The following ACAP2 variants were observed in gnomAD, a reference collection of about 807,000 sequenced individuals.
ACAP2 encodes arf-GAP with coiled-coil, ANK repeat and PH domain-containing protein 2.
Under a neutral mutation model 115.8 loss-of-function variants are expected in ACAP2, and 39 were observed. The observed-to-expected ratio is 0.34, with a 90% CI of 0.26 to 0.44. The LOEUF (loss-of-function observed/expected upper bound fraction) is 0.44, where lower values mean the gene tolerates loss of function less well. ACAP2 is among the 20% of genes least tolerant of loss of function. The probability of loss-of-function intolerance (pLI) is 1.00; values close to 1 mark genes in which losing one functional copy is unlikely to be tolerated. For synonymous variants in ACAP2, 289 were observed against 315.8 expected (o/e 0.92, Z 0.90); for missense variants, 662 against 927.6 (o/e 0.71, Z 3.72).
chr3:195,351,397 G>A (rs10804414), intron 4 of ACAP2, among the ~76,000 whole-genome samples: 68,464 of 150,726 alleles, frequency 0.45, 17,255 homozygotes, highest in Middle Eastern at 0.67. Flanking sequence ...GATTACAGGC[G>A]TGAGTCACCA....
chr3:195,429,130 G>C (rs547707212), intron 1 of ACAP2, among the ~76,000 whole-genome samples: 16 of 152,230 alleles, frequency 1.1e-4, no homozygotes, highest in African/African-American at 3.9e-4. Context: ...GCTCACACTT[G>C]TAATCCCAGC....
intron 9 of ACAP2, among the ~76,000 whole-genome samples, chr3:195,321,449 G>C (rs1729448349): frequency 6.6e-6 from 1 of 151,084 alleles, no homozygotes; most frequent in Non-Finnish European, 1.5e-5. Context: ...CCTGACCTCA[G>C]GTGATCTGTC....
intron 10 of ACAP2, among the ~76,000 whole-genome samples, chr3:195,320,057 A>G (rs561637486): frequency 3.4e-4 from 52 of 152,128 alleles, no homozygotes; most frequent in Non-Finnish European, 3.1e-4. Context: ...AAAAGCGGCA[A>G]TTTCCCCTGA....
intron 4 of ACAP2, among the ~76,000 whole-genome samples, chr3:195,371,795 GGT>G (rs1159097766): frequency 1.3e-5 from 2 of 152,062 alleles, no homozygotes; most frequent in Non-Finnish European, 2.9e-5. Context: ...TGGTTATATA[GGT>G]AATACAGGCA....
chr3:195,397,144 T>C (rs1029232685), intron 1 of ACAP2, among the ~76,000 whole-genome samples: 2 of 152,242 alleles, frequency 1.3e-5, no homozygotes, highest in African/African-American at 4.8e-5. Flanking sequence ...TTGTTTTATA[T>C]AATACATGTA....
chr3:195,398,048 G>T (rs922907008), intron 1 of ACAP2, among the ~76,000 whole-genome samples: 1 of 152,184 alleles, frequency 6.6e-6, no homozygotes, highest in East Asian at 1.9e-4. Flanking sequence ...CAATACTGCT[G>T]TCCCTTTCCA....
Position 195,320,826 on chromosome 3 carries a change from A to G in ACAP2, c.745-13T>C, listed in dbSNP as rs1188348601. 1.9e-6 allele frequency: 3 copies of G among 1,578,296 alleles called. No homozygotes were observed. The highest frequency in any genetic ancestry group is 2.6e-6 in the Non-Finnish European group (3 of 1,149,486). ...CACTGGAGAAATCCTACACAAAATAACACATAAAGAAGTTCATATGACTTG... is the reference window on the plus strand; with the variant it reads ...CACTGGAGAAATCCTACACAAAATAGCACATAAAGAAGTTCATATGACTTG... On this transcript the variant is annotated splice_polypyrimidine_tract_variant and intron_variant, in intron 9 of 22. Transcript: ENST00000326793.
chr3:195,333,107 T>C lies in ACAP2; in HGVS notation c.590A>G (p.Tyr197Cys), dbSNP rs1730282800. The C allele has an allele frequency of 1.9e-6, 3 of 1,604,868 alleles. No homozygotes were observed. The highest frequency in any genetic ancestry group is 2.6e-6 in the Non-Finnish European group (3 of 1,175,498). The change falls in exon 8 of 23, where the codon TAT becomes TGT. Residue 197 changes from tyrosine to cysteine, a missense_variant. Physicochemically the swap from Tyr to Cys is radical, Grantham distance 194. Transcript: ENST00000326793. ...EILKSMLSFM[Y>C]AHLAFFHQGY... ...TTGATGAAAGAAGGCCAAATGGGCATACATAAATGACAACATCTAATAGGG... is the reference window on the plus strand; with the variant it reads ...TTGATGAAAGAAGGCCAAATGGGCACACATAAATGACAACATCTAATAGGG...
At chr3:195,401,328 A>C (rs1366753848) in intron 1 of ACAP2, among the ~76,000 whole-genome samples, 1 of 152,196 alleles carries the variant, frequency 6.6e-6, no homozygotes, top group Non-Finnish European at 1.5e-5. Context: ...TATGTTTTAT[A>C]ATCTACATGC....
chr3:195,403,858 A>C (rs1034831996), intron 1 of ACAP2, among the ~76,000 whole-genome samples: 3 of 152,202 alleles, frequency 2.0e-5, no homozygotes, highest in Admixed American at 2.0e-4. Context: ...TTAGGAGAGA[A>C]GTCTGAGTTG....
At chr3:195,409,609 C>T (rs1487943209) in intron 1 of ACAP2, among the ~76,000 whole-genome samples, 2 of 152,076 alleles carry the variant, frequency 1.3e-5, no homozygotes, top group Admixed American at 6.5e-5. Context: ...GGCACAGTGG[C>T]TCACGCCTGT....
intron 4 of ACAP2, among the ~76,000 whole-genome samples, chr3:195,378,472 C>T (rs144104966): frequency 0.017 from 2,457 of 147,102 alleles, 24 homozygotes; most frequent in Non-Finnish European, 0.028. Flanking sequence ...AGCCTGGCAA[C>T]AGAGCGAGAC....
chr3:195,424,241 T>TGGG (rs752013828), intron 1 of ACAP2, among the ~76,000 whole-genome samples: 4 of 121,450 alleles, frequency 3.3e-5, no homozygotes, highest in East Asian at 2.5e-4. Flanking sequence ...TGTGTGTGTG[T>TGGG]GTGGTGTGTG....
At chr3:195,327,009 AGTT>A (rs1445909700) in intron 8 of ACAP2, 50 bp from the exon 9 acceptor site, 1 of 1,476,948 alleles carries the variant, frequency 6.8e-7, no homozygotes, top group South Asian at 1.2e-5. Context: ...AGTATGGATT[AGTT>A]TTTCAAACCA....
intron 4 of ACAP2, among the ~76,000 whole-genome samples, chr3:195,373,038 A>G (rs1223653643): frequency 2.0e-5 from 3 of 150,942 alleles, no homozygotes; most frequent in Non-Finnish European, 4.4e-5. Context: ...TAAAAATGCT[A>G]AAGAAAAACT....
chr3:195,385,998 C>T (rs1734275648), intron 2 of ACAP2, among the ~76,000 whole-genome samples: 1 of 152,126 alleles, frequency 6.6e-6, no homozygotes, highest in South Asian at 2.1e-4. Context: ...ACTCAAATGT[C>T]CATCAACTGA....
intron 1 of ACAP2, among the ~76,000 whole-genome samples, chr3:195,400,444 T>C (rs1712189743): frequency 6.6e-6 from 1 of 151,850 alleles, no homozygotes; most frequent in Non-Finnish European, 1.5e-5. Context: ...GACAGAATAC[T>C]AATCCAAGGA....
chr3:195,435,916 T>C (rs963787683), intron 1 of ACAP2, among the ~76,000 whole-genome samples: 1 of 152,238 alleles, frequency 6.6e-6, no homozygotes, highest in South Asian at 2.1e-4. Flanking sequence ...ATCATCTGCC[T>C]GGTTGTTCCA....
chr3:195,390,967 CA>C (rs1225637591), intron 2 of ACAP2, among the ~76,000 whole-genome samples: 1 of 151,748 alleles, frequency 6.6e-6, no homozygotes, highest in Non-Finnish European at 1.5e-5. Flanking sequence ...GGACAGACAC[CA>C]AAAAAATCAT....
Sources: allele counts gnomAD v4.1 joint callset (sites outside exome capture counted in the v4.1 genomes callset), GRCh38; gene constraint gnomAD v4.1.1; transcripts MANE v1.5; gene names NCBI Gene and HGNC (gene_info 2026-07-23, HGNC 2026-07-21).